FAM13A: variants seen among roughly 807,000 people sequenced by gnomAD.
FAM13A encodes the protein protein FAM13A.
Under a neutral mutation model 129.6 loss-of-function variants are expected in FAM13A, and 76 were observed. That is an observed-to-expected ratio of 0.59 (90% CI 0.49 to 0.71). The LOEUF is 0.71. Among genes scored for constraint, FAM13A ranks in the 30% least tolerant of loss-of-function variants. FAM13A has a pLI of 0.00. For missense variants in FAM13A, 1,108 were observed against 1,249.3 expected, an observed-to-expected ratio of 0.89 and a Z score of 1.70; for synonymous variants, 443 against 449.9, an observed-to-expected ratio of 0.98 and a Z score of 0.20.
intron 7 of FAM13A, among the ~76,000 whole-genome samples, chr4:88,831,114 T>G (rs577140028): frequency 5.3e-5 from 8 of 152,164 alleles, no homozygotes; most frequent in Admixed American, 3.9e-4. Flanking sequence ...CAGGGAAAAA[T>G]CCACAGTTTT....
At position 88,790,691 on chromosome 4, in the gene FAM13A, T is replaced by C. The variant is rs1381288443; in HGVS notation, c.1050-64A>G. On this transcript the variant is annotated intron_variant, in intron 8 of 23. Coordinates refer to ENST00000264344, the MANE Select transcript of FAM13A (RefSeq NM_014883.4). ...AAGATCAGAGATGATGAACCAAACA[T>C]GTGAAGTGGATCGCAGGCTGAAAGA... is the stretch of plus-strand genomic sequence containing the variant. The C allele has an allele frequency of 2.7e-5, 39 of 1,427,224 alleles. No individual in the cohort carries two copies. The East Asian group carries it at 4.8e-4, about 17-fold the overall frequency. 88.4% of individuals were successfully genotyped at this position (1,427,224 alleles called of 1,614,324 possible). A position where few individuals can be genotyped will look rare whatever the true frequency, so the allele number is the denominator to read the frequency against.
intron 6 of FAM13A, among the ~76,000 whole-genome samples, chr4:88,879,055 A>G (rs1042618015): frequency 2.0e-5 from 3 of 152,224 alleles, no homozygotes; most frequent in African/African-American, 7.2e-5. Flanking sequence ...AATGTTGGGA[A>G]TAAGTTGTGT....
At chr4:88,950,532 G>A (rs1295707735) in intron 4 of FAM13A, among the ~76,000 whole-genome samples, 1 of 152,146 alleles carries the variant, frequency 6.6e-6, no homozygotes, top group Non-Finnish European at 1.5e-5. Context: ...ACAACAAAGA[G>A]TAACTCCTAT....
chr4:88,972,220 C>T lies in FAM13A; in HGVS notation c.605+18753G>A, dbSNP rs555835870. 5.9e-5 allele frequency among the ~76,000 whole-genome samples: 9 copies of T among 151,920 alleles called. No homozygotes were observed. The East Asian group carries it at 1.5e-3, about 26-fold the overall frequency. On this transcript the variant is annotated intron_variant, in intron 4 of 23. Transcript: ENST00000264344. The stretch of plus-strand genomic sequence containing the variant: ...TTTCCTTCTCCCTAAGAATTTTTAA[C>T]ATTTCTTGCAAAGCAGGTCTACTGT...
At position 88,726,503 on chromosome 4, in the gene FAM13A, TAAA is replaced by T. The variant is rs888094261; in HGVS notation, c.*2027_*2029del. ...AGTAGCATCTCATTTATTTGTAGCT[TAAA>T]AAAAAATTCTGTAGCGTATTTTTCC... is the stretch of plus-strand genomic sequence containing the variant. On this transcript the variant is annotated 3_prime_UTR_variant, in exon 24 of 24. Coordinates refer to ENST00000264344, the MANE Select transcript of FAM13A (RefSeq NM_014883.4). The T allele has an allele frequency of 6.6e-6, 1 of 152,156 alleles. No homozygotes were observed. The highest frequency in any genetic ancestry group is 1.5e-5 in the Non-Finnish European group (1 of 67,886). 9.4% of individuals were successfully genotyped at this position (152,156 alleles called of 1,614,324 possible).
chr4:89,001,246 G>A (rs1764208541), intron 3 of FAM13A, among the ~76,000 whole-genome samples: 1 of 152,182 alleles, frequency 6.6e-6, no homozygotes, highest in Non-Finnish European at 1.5e-5. Context: ...CTGCCAAAAT[G>A]TATGAAGTCA....
intron 5 of FAM13A, among the ~76,000 whole-genome samples, chr4:88,935,994 A>T (rs1009143962): frequency 6.6e-6 from 1 of 152,354 alleles, no homozygotes; most frequent in African/African-American, 2.4e-5. Flanking sequence ...TGTAGTTTCT[A>T]ATCATGACAT....
At chr4:88,882,618 T>G (rs1184415822) in intron 6 of FAM13A, among the ~76,000 whole-genome samples, 2 of 147,532 alleles carry the variant, frequency 1.4e-5, no homozygotes, top group South Asian at 4.2e-4. Context: ...AAAAACAAGG[T>G]CTTCAGGCAA....
Position 88,781,299 on chromosome 4 carries a change from A to C in FAM13A, c.1324T>G (p.Cys442Gly). ...TCGACTTCCTGAGTATTCAAAATAC[A>C]ATCATCAAGGTGGTTGAACCCAGAA... ...TPSGFNHLDDCILNTQEVEKV... is the reference protein window; with the variant it reads ...TPSGFNHLDDGILNTQEVEKV... Residue 442 changes from cysteine to glycine, a missense_variant, in exon 11 of 24, where the codon TGT becomes GGT. Cys to Gly is a radical substitution (Grantham distance 159). Coordinates refer to ENST00000264344, the MANE Select transcript of FAM13A (RefSeq NM_014883.4). 3 of 1,612,924 alleles carry C rather than the reference A, an allele frequency of 1.9e-6. No individual in the cohort carries two copies. The South Asian group carries it at 3.3e-5, about 18-fold the overall frequency.
intron 6 of FAM13A, among the ~76,000 whole-genome samples, chr4:88,888,093 T>C (rs1365362835): frequency 6.6e-6 from 1 of 152,178 alleles, no homozygotes; most frequent in Non-Finnish European, 1.5e-5. Context: ...TCAACTCTGC[T>C]CAAAGCATAT....
intron 2 of FAM13A, among the ~76,000 whole-genome samples, chr4:89,024,267 G>A (rs1004755974): frequency 6.6e-5 from 10 of 152,066 alleles, no homozygotes; most frequent in African/African-American, 1.9e-4. Flanking sequence ...ACCTGGTGGT[G>A]ACTTGAGACT....
At chr4:88,965,794 A>G (rs1044905662) in intron 4 of FAM13A, among the ~76,000 whole-genome samples, 3 of 152,216 alleles carry the variant, frequency 2.0e-5, no homozygotes, top group Admixed American at 6.5e-5. Flanking sequence ...GATACTTCAT[A>G]TAAGTGGAGT....
At chr4:88,911,440 A>G (rs1749074435) in intron 5 of FAM13A, among the ~76,000 whole-genome samples, 1 of 152,186 alleles carries the variant, frequency 6.6e-6, no homozygotes, top group East Asian at 1.9e-4. Context: ...TCCACTTTCC[A>G]AGATGATATT....
chr4:88,992,431 C>T (rs548783689), intron 3 of FAM13A, among the ~76,000 whole-genome samples: 22 of 152,106 alleles, frequency 1.4e-4, no homozygotes, highest in Non-Finnish European at 2.6e-4. Flanking sequence ...CCACCATGCC[C>T]GGCTAATTTT....
At chr4:89,032,793 T>C (rs566224321) in intron 1 of FAM13A, among the ~76,000 whole-genome samples, 1 of 152,198 alleles carries the variant, frequency 6.6e-6, no homozygotes, top group South Asian at 2.1e-4. Flanking sequence ...ACAGCTTTGA[T>C]AACAATACTA....
chr4:88,938,676 G>C (rs1186205148), intron 4 of FAM13A, among the ~76,000 whole-genome samples: 2 of 152,104 alleles, frequency 1.3e-5, no homozygotes, highest in Non-Finnish European at 2.9e-5. Context: ...GAATACTTCT[G>C]GGGAAAAATA....
chr4:88,758,389 G>A (rs1364831218), intron 14 of FAM13A, among the ~76,000 whole-genome samples: 9 of 152,046 alleles, frequency 5.9e-5, no homozygotes, highest in Admixed American at 2.0e-4. Flanking sequence ...GGAGGATCGC[G>A]CCACAGAAGG....
chr4:88,939,650 A>C (rs570961768), intron 4 of FAM13A, among the ~76,000 whole-genome samples: 1 of 152,316 alleles, frequency 6.6e-6, no homozygotes, highest in Non-Finnish European at 1.5e-5. Context: ...GCTTCTGATC[A>C]ATATGATTTG....
At chr4:88,974,623 C>A (rs1426286406) in intron 4 of FAM13A, among the ~76,000 whole-genome samples, 1 of 152,040 alleles carries the variant, frequency 6.6e-6, no homozygotes. Context: ...ATTACAGGCA[C>A]CCGCCACCAT....
Sources: gnomAD v4.1 joint callset for allele counts (sites outside exome capture counted in the v4.1 genomes callset) on GRCh38, gnomAD v4.1.1 for gene constraint, MANE v1.5 for transcripts, NCBI Gene and HGNC (gene_info 2026-07-23, HGNC 2026-07-21) for gene names.